Variants in RBM20 observed in about 807,000 individuals in gnomAD.
RBM20 encodes RNA binding motif protein 20, also known as RNA-binding protein 20.
RBM20 carries 51 observed loss-of-function variants against 110.1 expected under a neutral mutation model. That is an observed-to-expected ratio of 0.46 (90% CI 0.37 to 0.59). RBM20 has a LOEUF of 0.59. RBM20 is among the 20% of genes least tolerant of loss of function. The probability of loss-of-function intolerance (pLI) is 0.00; values close to 1 mark genes in which losing one functional copy is unlikely to be tolerated. For missense variants in RBM20, 1,512 were observed against 1,574.9 expected (o/e 0.96, Z 0.68); for synonymous variants, 589 against 618.2 (o/e 0.95, Z 0.70).
intron 12 of RBM20, among the ~76,000 whole-genome samples, chr10:110,826,051 G>A (rs1421857938): frequency 6.6e-6 from 1 of 152,108 alleles, no homozygotes; most frequent in Non-Finnish European, 1.5e-5. Context: ...CTAGCCAGGG[G>A]GTTGTAGGGT....
chr10:110,770,732 A>G (rs1361991563), intron 1 of RBM20, among the ~76,000 whole-genome samples: 1 of 152,238 alleles, frequency 6.6e-6, no homozygotes, highest in East Asian at 1.9e-4. Context: ...GTCTTTGTAC[A>G]TTTAATAGAA....
chr10:110,751,721 C>T (rs1026700671), intron 1 of RBM20, among the ~76,000 whole-genome samples: 4 of 152,042 alleles, frequency 2.6e-5, no homozygotes, highest in Non-Finnish European at 4.4e-5. Flanking sequence ...TTGGAGAACC[C>T]ATCTGTGGGT....
At chr10:110,744,451 G>A (rs1843755615) in intron 1 of RBM20, among the ~76,000 whole-genome samples, 1 of 152,194 alleles carries the variant, frequency 6.6e-6, no homozygotes, top group Admixed American at 6.5e-5. Context: ...TAAAATAAAA[G>A]AACTTGGAGG....
At chr10:110,791,793 A>T (rs1030144732) in intron 5 of RBM20, among the ~76,000 whole-genome samples, 3 of 152,210 alleles carry the variant, frequency 2.0e-5, no homozygotes, top group Admixed American at 6.5e-5. Context: ...CCTGAGGCTG[A>T]AAAAGGATGA....
intron 1 of RBM20, among the ~76,000 whole-genome samples, chr10:110,695,122 G>A (rs1356939174): frequency 6.6e-6 from 1 of 152,296 alleles, no homozygotes; most frequent in South Asian, 2.1e-4. Flanking sequence ...TGAGTGAGAT[G>A]ACATCCTGAG....
chr10:110,760,221 C>A (rs1843977982), intron 1 of RBM20, among the ~76,000 whole-genome samples: 1 of 152,178 alleles, frequency 6.6e-6, no homozygotes, highest in Admixed American at 6.5e-5. Flanking sequence ...GCTTTGGCTT[C>A]ATGTGTAAAC....
intron 7 of RBM20, among the ~76,000 whole-genome samples, chr10:110,802,795 G>A (rs1486056566): frequency 6.6e-6 from 1 of 152,184 alleles, no homozygotes; most frequent in Non-Finnish European, 1.5e-5. Context: ...TCAGTCTGGT[G>A]GGAGAAAAAG....
intron 1 of RBM20, among the ~76,000 whole-genome samples, chr10:110,710,590 A>C (rs1862910872): frequency 6.6e-6 from 1 of 152,212 alleles, no homozygotes; most frequent in Admixed American, 6.5e-5. Flanking sequence ...CGGGAGAAGG[A>C]GCTCACAGTT....
At chr10:110,793,795 A>G (rs1056308543) in intron 5 of RBM20, among the ~76,000 whole-genome samples, 1 of 152,262 alleles carries the variant, frequency 6.6e-6, no homozygotes, top group Non-Finnish European at 1.5e-5. Context: ...AACTCAAAGT[A>G]TGGAGGCATC....
intron 1 of RBM20, among the ~76,000 whole-genome samples, chr10:110,762,723 G>A (rs1844022774): frequency 6.6e-6 from 1 of 152,200 alleles, no homozygotes; most frequent in African/African-American, 2.4e-5. Context: ...TCAGGTGTTT[G>A]TTTTTAACCA....
At chr10:110,818,687 G>C (rs957578795) in intron 9 of RBM20, among the ~76,000 whole-genome samples, 5 of 152,246 alleles carry the variant, frequency 3.3e-5, no homozygotes, top group Non-Finnish European at 7.3e-5. Context: ...GACTGTCCCT[G>C]CCTCTCCCAA....
chr10:110,821,383 G>A lies in RBM20; in HGVS notation c.2764G>A (p.Val922Met), dbSNP rs947100716. ...DEVGEEEDFI[V>M]EPDIPELEEI... ...GGTTGGGGAAGAAGAAGATTTTATC[G>A]TGGAACCAGACATCCCAGAGCTGGA... Residue 922 changes from valine to methionine, a missense_variant, in exon 11 of 14, where the codon GTG becomes ATG. Physicochemically the swap from Val to Met is conservative, Grantham distance 21. Transcript: ENST00000369519. 5.7e-5 allele frequency: 89 copies of A among 1,551,636 alleles called. No individual in the cohort carries two copies. Among genetic ancestry groups the A allele is most frequent in the Non-Finnish European group, 6.5e-5 (75 of 1,147,014 alleles).
chr10:110,657,946 T>C lies in RBM20; in HGVS notation c.191+13301T>C, dbSNP rs138540167. Among the ~76,000 whole-genome samples the C allele has an allele frequency of 2.2e-3, 330 of 152,372 alleles. 2 individuals are homozygous for C. Among genetic ancestry groups the C allele is most frequent in the African/African-American group, 7.7e-3 (321 of 41,584 alleles). On this transcript the variant is annotated intron_variant, in intron 1 of 13. Coordinates refer to ENST00000369519, the MANE Select transcript of RBM20 (RefSeq NM_001134363.3). ...TATTAGTATGTCATTGAATGGAGCA[T>C]GTTAATGTAACCCTTTAAGGTGTTT...
chr10:110,781,908 G>T (rs1844358242), intron 2 of RBM20, 24 bp downstream of exon 2: 18 of 1,551,656 alleles, frequency 1.2e-5, no homozygotes, highest in Non-Finnish European at 1.5e-5. Flanking sequence ...GACAGGCTGG[G>T]AGCCACAGCT....
At chr10:110,777,866 T>C (rs1420032289) in intron 1 of RBM20, among the ~76,000 whole-genome samples, 1 of 152,236 alleles carries the variant, frequency 6.6e-6, no homozygotes, top group African/African-American at 2.4e-5. Context: ...CACCTCATTA[T>C]CGCCTTGTTA....
intron 1 of RBM20, among the ~76,000 whole-genome samples, chr10:110,766,389 G>T (rs1844084640): frequency 6.6e-6 from 1 of 151,540 alleles, no homozygotes. Flanking sequence ...ATTTGGCAGG[G>T]TCATAGGACA....
At chr10:110,650,610 T>C (rs1861932607) in intron 1 of RBM20, among the ~76,000 whole-genome samples, 1 of 121,552 alleles carries the variant, frequency 8.2e-6, no homozygotes, top group African/African-American at 2.7e-5. Flanking sequence ...CCAGGGCCAC[T>C]TGCTTCTGCC....
intron 5 of RBM20, among the ~76,000 whole-genome samples, chr10:110,791,168 A>G (rs892495295): frequency 2.0e-5 from 3 of 152,256 alleles, no homozygotes; most frequent in African/African-American, 4.8e-5. Flanking sequence ...TGCTATCTGC[A>G]TGATAGGTTC....
At position 110,803,580 on chromosome 10, in the gene RBM20, C is replaced by T. The variant is rs866976880; in HGVS notation, c.1800+3662C>T. Among the ~76,000 whole-genome samples, 5 of 151,966 alleles carry T rather than the reference C, an allele frequency of 3.3e-5. No individual in the cohort carries two copies. In the South Asian group the frequency reaches 8.3e-4, roughly 25 times the overall value. On this transcript the variant is annotated intron_variant, in intron 7 of 13. Coordinates refer to ENST00000369519, the MANE Select transcript of RBM20 (RefSeq NM_001134363.3). The stretch of plus-strand genomic sequence containing the variant: ...CGGAGAACACTTTGAATAGAAAGGG[C>T]GCAGAACACATTATTTTCTGATCTT...
Sources: allele counts gnomAD v4.1 joint callset (sites outside exome capture counted in the v4.1 genomes callset), GRCh38; gene constraint gnomAD v4.1.1; transcripts MANE v1.5; gene names NCBI Gene and HGNC (gene_info 2026-07-23, HGNC 2026-07-21).